The following BRD4 variants were observed in gnomAD, a reference collection of about 807,000 sequenced individuals.
BRD4 encodes the protein bromodomain containing 4.
A neutral mutation model predicts 142.1 loss-of-function variants in BRD4; 16 were observed. The ratio of observed to expected loss-of-function variants is 0.11; its 90% confidence interval spans 0.08 to 0.17. The LOEUF (loss-of-function observed/expected upper bound fraction) is 0.17. Ranked by LOEUF, BRD4 falls within the 10% of genes least tolerant of loss-of-function variation. The pLI, the probability that BRD4 is intolerant of heterozygous loss-of-function variation, is 1.00. For synonymous variants in BRD4, 833 were observed against 707.5 expected, an observed-to-expected ratio of 1.18 and a Z score of -2.82; for missense variants, 1,424 against 1,810.9, an observed-to-expected ratio of 0.79 and a Z score of 3.88.
intron 1 of BRD4, among the ~76,000 whole-genome samples, chr19:15,304,276 A>G (rs947544637): frequency 7.2e-5 from 11 of 152,176 alleles, no homozygotes; most frequent in Non-Finnish European, 1.6e-4. Context: ...GCTGGCAATA[A>G]CTAAACAAGC....
intron 1 of BRD4, among the ~76,000 whole-genome samples, chr19:15,307,815 G>A (rs750030314): frequency 2.0e-5 from 3 of 151,998 alleles, no homozygotes; most frequent in Non-Finnish European, 4.4e-5. Flanking sequence ...CCTAAGAAGG[G>A]GTGAACCAGC....
intron 11 of BRD4, among the ~76,000 whole-genome samples, chr19:15,249,710 G>A (rs1807865256): frequency 6.6e-6 from 1 of 152,140 alleles, no homozygotes; most frequent in Non-Finnish European, 1.5e-5. Context: ...GGCCCCTGCT[G>A]ACTCTGAGCT....
At chr19:15,328,396 G>T (rs1206238239) in intron 1 of BRD4, among the ~76,000 whole-genome samples, 1 of 152,094 alleles carries the variant, frequency 6.6e-6, no homozygotes, top group Non-Finnish European at 1.5e-5. Context: ...GGCAGGTCAG[G>T]GTTGAACCAC....
chr19:15,298,620 C>CAAAAAAAAAAAA (rs57719337), intron 1 of BRD4, among the ~76,000 whole-genome samples: 7 of 66,038 alleles, frequency 1.1e-4, no homozygotes, highest in African/African-American at 2.4e-4. Flanking sequence ...GACTCCAACT[C>CAAAAAAAAAAAA]AAAAAAAAAA....
intron 1 of BRD4, among the ~76,000 whole-genome samples, chr19:15,281,090 C>A (rs1411432999): frequency 2.0e-5 from 3 of 152,228 alleles, no homozygotes; most frequent in African/African-American, 7.2e-5. Flanking sequence ...ATCTGACTGG[C>A]TCAGGCAGCT....
At chr19:15,266,522 C>T (rs1326620338) in intron 4 of BRD4, among the ~76,000 whole-genome samples, 2 of 152,292 alleles carry the variant, frequency 1.3e-5, no homozygotes, top group Non-Finnish European at 2.9e-5. Context: ...CAGCCCAAAC[C>T]CCTGGTCCCA....
intron 1 of BRD4, among the ~76,000 whole-genome samples, chr19:15,314,706 C>G (rs2048001602): frequency 6.6e-6 from 1 of 152,200 alleles, no homozygotes; most frequent in Non-Finnish European, 1.5e-5. Flanking sequence ...AGGGTGACAA[C>G]AGCCCTACTG....
At chr19:15,293,167 C>G (rs182210363) in intron 1 of BRD4, among the ~76,000 whole-genome samples, 150 of 152,298 alleles carry the variant, frequency 9.8e-4, no homozygotes, top group Non-Finnish European at 1.6e-3. Flanking sequence ...AAAAGATTAG[C>G]TGAACCTCAG....
Position 15,292,531 on chromosome 19 carries a change from C to T in BRD4, c.-34-19398G>A, listed in dbSNP as rs543090082. ...CAGTGGCTCACGCCTGTAATCCCAACACTCTGGGAGGCCGAGGCGGGCGGA... is the reference window on the plus strand; with the variant it reads ...CAGTGGCTCACGCCTGTAATCCCAATACTCTGGGAGGCCGAGGCGGGCGGA... On this transcript the variant is annotated intron_variant, in intron 1 of 19. Transcript: ENST00000679869. Among the ~76,000 whole-genome samples the T allele has an allele frequency of 3.3e-5, 5 of 152,264 alleles. 1 individual carries two copies. The East Asian group carries it at 9.7e-4, about 29-fold the overall frequency.
intron 1 of BRD4, among the ~76,000 whole-genome samples, chr19:15,322,999 G>A (rs1237092654): frequency 6.6e-6 from 1 of 151,502 alleles, no homozygotes; most frequent in Non-Finnish European, 1.5e-5. Flanking sequence ...TCAGTGAGCT[G>A]AAATCATACC....
At chr19:15,247,761 C>A (rs540044839) in intron 11 of BRD4, 1 of 232,982 alleles carries the variant, frequency 4.3e-6, no homozygotes, top group East Asian at 6.0e-5. Flanking sequence ...ACACATCAGG[C>A]GCAGGCCAAA....
chr19:15,244,630 G>T (rs1056012256), intron 12 of BRD4, 30 bp from the exon 13 acceptor site: 7 of 1,613,758 alleles, frequency 4.3e-6, no homozygotes, highest in Non-Finnish European at 5.9e-6. Context: ...CAGACAGACA[G>T]GCTGATGTCA....
chr19:15,323,311 G>A (rs1349716875), intron 1 of BRD4, among the ~76,000 whole-genome samples: 5 of 151,440 alleles, frequency 3.3e-5, no homozygotes, highest in African/African-American at 9.7e-5. Flanking sequence ...GTTAGGCAAC[G>A]GGTCCAAGGA....
intron 10 of BRD4, 108 bp from the exon 11 acceptor site, chr19:15,254,370 G>T: frequency 1.1e-6 from 1 of 947,530 alleles, no homozygotes; most frequent in Non-Finnish European, 1.7e-6. Context: ...TGAGGAGCCT[G>T]TGCACGGTGG....
chr19:15,298,207 A>G (rs2047839235), intron 1 of BRD4, among the ~76,000 whole-genome samples: 1 of 152,274 alleles, frequency 6.6e-6, no homozygotes, highest in South Asian at 2.1e-4. Flanking sequence ...TCCACAAACA[A>G]AAACACTTAG....
At chr19:15,244,089 GCCT>G in intron 13 of BRD4, 139 bp downstream of exon 13, 1 of 1,446,506 alleles carries the variant, frequency 6.9e-7, no homozygotes. Context: ...TTCCAAGATG[GCCT>G]CGAGAAGCCA....
At chr19:15,301,865 GAAAAAAAAAAAA>G (rs952860124) in intron 1 of BRD4, among the ~76,000 whole-genome samples, 12 of 40,476 alleles carry the variant, frequency 3.0e-4, no homozygotes, top group African/African-American at 8.7e-4. Context: ...CCGTCTCAAA[GAAAAAAAAAAAA>G]AAAAAAAAAA....
At chr19:15,311,521 T>C (rs2047970407) in intron 1 of BRD4, among the ~76,000 whole-genome samples, 1 of 151,308 alleles carries the variant, frequency 6.6e-6, no homozygotes, top group African/African-American at 2.4e-5. Flanking sequence ...CCAGGTGCAG[T>C]GGCTCACGCC....
chr19:15,243,401 C>T lies in BRD4; in HGVS notation c.2668G>A (p.Val890Met), dbSNP rs201423321. ...GGTGTTTGGGTCAAGGCTGGTGACACGGCTGGGGGCCGGGCGGGCTTGGGA... is the reference window on the plus strand; with the variant it reads ...GGTGTTTGGGTCAAGGCTGGTGACATGGCTGGGGGCCGGGCGGGCTTGGGA... ...LPPKPARPPA[V>M]SPALTQTPLL... Residue 890 changes from valine to methionine, a missense_variant, in exon 14 of 20, where the codon GTG becomes ATG. By Grantham distance (21) the Val-to-Met change is conservative (BLOSUM62 1). This residue lies in a region of BRD4 where 598 missense variants were observed against 647.8 expected (regional missense o/e 0.92). Coordinates refer to ENST00000679869, the MANE Select transcript of BRD4 (RefSeq NM_001379291.1). 2.9e-5 allele frequency: 44 copies of T among 1,501,332 alleles called. No homozygotes were observed. Among genetic ancestry groups the T allele is most frequent in the Non-Finnish European group, 3.4e-5 (38 of 1,127,592 alleles). 93.0% of individuals were successfully genotyped at this position (1,501,332 alleles called of 1,614,324 possible).
Sources: allele counts gnomAD v4.1 joint callset (sites outside exome capture counted in the v4.1 genomes callset), GRCh38; gene constraint gnomAD v4.1.1; regional missense constraint gnomAD v4.1.1; transcripts MANE v1.5; gene names NCBI Gene and HGNC (gene_info 2026-07-23, HGNC 2026-07-21).